Variants in IGSF9B observed in about 807,000 individuals in gnomAD.
IGSF9B encodes protein turtle homolog B.
Under a neutral mutation model 143.7 loss-of-function variants are expected in IGSF9B, and 48 were observed. The ratio of observed to expected loss-of-function variants is 0.33; its 90% CI spans 0.26 to 0.42. The LOEUF is 0.42. Among genes scored for constraint, IGSF9B ranks in the 20% least tolerant of loss-of-function variants. The pLI is 1.00. For missense variants in IGSF9B, 1,706 were observed against 1,980.0 expected (o/e 0.86, Z 2.63); for synonymous variants, 903 against 833.1 (o/e 1.08, Z -1.44).
chr11:133,928,113 C>T lies in IGSF9B; in HGVS notation c.1632-1022G>A, dbSNP rs567590853. Among the ~76,000 whole-genome samples, 7 of 151,698 alleles carry T rather than the reference C, an allele frequency of 4.6e-5. No homozygotes were observed. The highest frequency in any genetic ancestry group is 3.9e-4 in the East Asian group (2 of 5,098). On this transcript the variant is annotated intron_variant, in intron 12 of 19. Coordinates refer to ENST00000533871, the MANE Select transcript of IGSF9B (RefSeq NM_001277285.4). The surrounding 1 kb of genome is among the most constrained non-coding windows in gnomAD (Gnocchi z 4.7). ...GTGGAGCAGCAGCGTGAAGCAGCACCGCAAGCAGCAGGGGAGCCCCAATCT... is the reference window on the plus strand; with the variant it reads ...GTGGAGCAGCAGCGTGAAGCAGCACTGCAAGCAGCAGGGGAGCCCCAATCT...
chr11:133,919,096 CT>C (rs1315407473), intron 18 of IGSF9B: 3 of 345,800 alleles, frequency 8.7e-6, no homozygotes, highest in Non-Finnish European at 1.8e-5. Flanking sequence ...GTCTGTCTCT[CT>C]GCAGCTTCCT....
chr11:133,922,035 G>T, intron 17 of IGSF9B, 142 bp downstream of exon 17: 1 of 700,450 alleles, frequency 1.4e-6, no homozygotes, highest in Non-Finnish European at 2.5e-6. Flanking sequence ...CTGAGATGGG[G>T]CTGGGCAAGT....
rs1249384106 is a variant in IGSF9B, at chr11:133,899,551, T to A, written c.*9518A>T. On this transcript the variant is annotated 3_prime_UTR_variant, in exon 20 of 20. Coordinates refer to ENST00000533871, the MANE Select transcript of IGSF9B (RefSeq NM_001277285.4). ...TCCTGTTGGAGGCTGAGGAATAGAA[T>A]GGTGACATGTGGGCCAGTGGCTCTC... is the stretch of plus-strand genomic sequence containing the variant. 1 of 152,406 alleles carries A rather than the reference T, an allele frequency of 6.6e-6. No homozygotes were observed. The highest frequency in any genetic ancestry group is 1.5e-5 in the Non-Finnish European group (1 of 68,182). 9.4% of individuals were successfully genotyped at this position (152,406 alleles called of 1,614,324 possible).
Position 133,901,938 on chromosome 11 carries a change from C to CAT in IGSF9B, c.*7130_*7131insAT. Among the ~76,000 whole-genome samples the CAT allele has an allele frequency of 1.1e-5, 1 of 94,892 alleles. No individual in the cohort carries two copies. The highest frequency in any genetic ancestry group is 3.4e-5 in the African/African-American group (1 of 29,282). 62.3% of individuals were successfully genotyped at this position (94,892 alleles called of 152,430 possible). ...ACAACACACACCAAACCACACAACA[C>CAT]ACACACACATCACACACATGCACAC... On this transcript the variant is annotated 3_prime_UTR_variant, in exon 20 of 20. Coordinates refer to ENST00000533871, the MANE Select transcript of IGSF9B (RefSeq NM_001277285.4).
intron 1 of IGSF9B, among the ~76,000 whole-genome samples, chr11:133,955,445 C>G (rs1940233949): frequency 6.6e-6 from 1 of 152,222 alleles, no homozygotes; most frequent in African/African-American, 2.4e-5. Context: ...CTGAAGCACG[C>G]CCCCCTGCAC....
intron 3 of IGSF9B, among the ~76,000 whole-genome samples, chr11:133,939,485 T>C (rs1000647319): frequency 6.6e-6 from 1 of 152,256 alleles, no homozygotes; most frequent in African/African-American, 2.4e-5. Context: ...AGTTCCTGGA[T>C]GTAGTAGCCA....
rs540830007 is a variant in IGSF9B at position 133,913,400 on chromosome 11, C to T, written c.3984-1393G>A. On this transcript the variant is annotated intron_variant, in intron 18 of 19. Transcript: ENST00000533871. This position sits in a 1 kb window ranked among gnomAD's most constrained non-coding sequence, Gnocchi z 4.6. ...AGCATCAAATATGTTGGCAGCAAGGCGGGAAGAGGAGACTTACACACTAAT... is the reference window on the plus strand; with the variant it reads ...AGCATCAAATATGTTGGCAGCAAGGTGGGAAGAGGAGACTTACACACTAAT... 1.3e-5 allele frequency among the ~76,000 whole-genome samples: 2 copies of T among 152,202 alleles called. No homozygotes were observed. Among genetic ancestry groups the T allele is most frequent in the Admixed American group, 1.3e-4 (2 of 15,286 alleles).
intron 7 of IGSF9B, among the ~76,000 whole-genome samples, chr11:133,934,351 G>A (rs1189519924): frequency 1.3e-5 from 2 of 152,334 alleles, no homozygotes; most frequent in Non-Finnish European, 2.9e-5. Context: ...GGGACGGGGC[G>A]CACCTTTGTG....
Position 133,909,982 on chromosome 11 carries a change from G to A in IGSF9B, c.4106-705C>T, listed in dbSNP as rs2121267417. 6.6e-6 allele frequency among the ~76,000 whole-genome samples: 1 copy of A among 152,360 alleles called. No individual in the cohort carries two copies. The highest frequency in any genetic ancestry group is 6.5e-5 in the Admixed American group (1 of 15,304). ...TAAATTATGAGCCTTCCACAGATCT[G>A]AAGAAAAATTATTCCCAACAGAAGA... On this transcript the variant is annotated intron_variant, in intron 19 of 19. Coordinates refer to ENST00000533871, the MANE Select transcript of IGSF9B (RefSeq NM_001277285.4). This position sits in a 1 kb window ranked among gnomAD's most constrained non-coding sequence, Gnocchi z 4.2.
At chr11:133,919,090 GTC>G (rs1252743047) in intron 18 of IGSF9B, 1 of 441,394 alleles carries the variant, frequency 2.3e-6, no homozygotes, top group Non-Finnish European at 4.6e-6. Context: ...GAGCTGGTCT[GTC>G]TCTCTGCAGC....
In IGSF9B at chr11:133,956,809, G is replaced by C. The variant is rs890388850; in HGVS notation, c.-55C>G. 1.4e-4 allele frequency: 169 copies of C among 1,190,304 alleles called. No homozygotes were observed. The highest frequency in any genetic ancestry group is 1.8e-4 in the Non-Finnish European group (163 of 892,514). The allele number at this position is 1,190,304 out of a possible 1,614,324, so 73.7% of individuals were successfully genotyped here. A position where few individuals can be genotyped will look rare whatever the true frequency, so the allele number is the denominator to read the frequency against. On this transcript the variant is annotated 5_prime_UTR_variant, in exon 1 of 20. Transcript: ENST00000533871. ...CCTATCGCAAAGTGCTCCCGCGCCC[G>C]CACGCGCCTCGCGCCCGAGCGCCCG...
intron 18 of IGSF9B, chr11:133,919,224 G>A (rs1207060755): frequency 5.5e-6 from 2 of 365,640 alleles, no homozygotes; most frequent in African/African-American, 4.3e-5. Flanking sequence ...GCGCTCACTA[G>A]GGCTGCTAAG....
chr11:133,907,626 T>TGGGAAGATGATCTC lies in IGSF9B; in HGVS notation c.*1429_*1442dup, dbSNP rs977339729. On this transcript the variant is annotated 3_prime_UTR_variant, in exon 20 of 20. Coordinates refer to ENST00000533871, the MANE Select transcript of IGSF9B (RefSeq NM_001277285.4). ...TCTTACCGGCAGAGAGACATCTTAG[T>TGGGAAGATGATCTC]GGGAAGATGATCTCAGGAAGCTTCT... Among the ~76,000 whole-genome samples, 1 of 152,102 alleles carries TGGGAAGATGATCTC rather than the reference T, an allele frequency of 6.6e-6. No individual in the cohort carries two copies. Among genetic ancestry groups the TGGGAAGATGATCTC allele is most frequent in the African/African-American group, 2.4e-5 (1 of 41,418 alleles).
chr11:133,925,110 C>T (rs1939601048), intron 14 of IGSF9B, among the ~76,000 whole-genome samples: 2 of 152,164 alleles, frequency 1.3e-5, no homozygotes, highest in Admixed American at 1.3e-4. Context: ...AAGCTACGAA[C>T]GTGAGGTCAC....
At chr11:133,915,457 G>T (rs2121276571) in intron 18 of IGSF9B, among the ~76,000 whole-genome samples, 1 of 151,852 alleles carries the variant, frequency 6.6e-6, no homozygotes, top group Non-Finnish European at 1.5e-5. Context: ...TTTTTGCAGA[G>T]ATGGGGCTTC....
chr11:133,920,401 G>A lies in IGSF9B; in HGVS notation c.3324C>T (p.Pro1108=), dbSNP rs376048306. 167 of 1,595,444 alleles carry A rather than the reference G, an allele frequency of 1.0e-4. 1 individual carries two copies. The highest frequency in any genetic ancestry group is 8.4e-4 in the Middle Eastern group (5 of 5,960). The change falls in exon 18 of 20, where the codon CCC becomes CCT. Residue 1108 remains proline (P), a synonymous_variant. Transcript: ENST00000533871. The part of the protein sequence containing the change: ...EAPKGWAGKS[P]GRGPVPAPPA... ...GGGGCGCTGGGACAGGGCCCCTGCC[G>A]GGCGACTTGCCTGCCCAACCCTTCG... is the stretch of plus-strand genomic sequence containing the variant.
chr11:133,902,567 CCCA>C lies in IGSF9B; in HGVS notation c.*6499_*6501del, dbSNP rs1192295989. On this transcript the variant is annotated 3_prime_UTR_variant, in exon 20 of 20. Coordinates refer to ENST00000533871, the MANE Select transcript of IGSF9B (RefSeq NM_001277285.4). ...ACACACACCACATACACACACACAC[CCCA>C]CACACACACACACACACCCCACTTA... 7.9e-3 allele frequency among the ~76,000 whole-genome samples: 862 copies of C among 109,632 alleles called. 4 individuals carry two copies. Among genetic ancestry groups the C allele is most frequent in the Non-Finnish European group, 0.013 (620 of 47,176 alleles). The allele number at this position is 109,632 out of a possible 152,430, so 71.9% of individuals were successfully genotyped here. A position where few individuals can be genotyped will look rare whatever the true frequency, so the allele number is the denominator to read the frequency against.
intron 18 of IGSF9B, 53 bp downstream of exon 18, chr11:133,919,689 G>A (rs559759929): frequency 5.1e-6 from 6 of 1,168,104 alleles, no homozygotes; most frequent in African/African-American, 1.6e-5. Context: ...GGCGAGGCGG[G>A]TGGGGGAAGG....
Position 133,931,358 on chromosome 11 carries a change from C to T in IGSF9B, c.1368+95G>A. 1 of 949,612 alleles carries T rather than the reference C, an allele frequency of 1.1e-6. No homozygotes were observed. The highest frequency in any genetic ancestry group is 1.6e-6 in the Non-Finnish European group (1 of 621,230). 58.8% of individuals were successfully genotyped at this position (949,612 alleles called of 1,614,324 possible). A position where few individuals can be genotyped will look rare whatever the true frequency, so the allele number is the denominator to read the frequency against. Reference sequence around the variant, plus strand: ...TGGGCCCTCACACCTCCCCTCAGCCCCGGGGCTCGCTGGGCCCTCAAACCT... The same window carrying T: ...TGGGCCCTCACACCTCCCCTCAGCCTCGGGGCTCGCTGGGCCCTCAAACCT... On this transcript the variant is annotated intron_variant, in intron 10 of 19. Coordinates refer to ENST00000533871, the MANE Select transcript of IGSF9B (RefSeq NM_001277285.4). The surrounding 1 kb of genome is among the most constrained non-coding windows in gnomAD (Gnocchi z 7.7).
Sources: gnomAD v4.1 joint callset for allele counts (sites outside exome capture counted in the v4.1 genomes callset) on GRCh38, gnomAD v4.1.1 for gene constraint, Gnocchi (gnomAD v3.1) non-coding constraint, MANE v1.5 for transcripts, NCBI Gene and HGNC (gene_info 2026-07-23, HGNC 2026-07-21) for gene names.